The following PTPRT variants were observed in gnomAD, a reference collection of about 807,000 sequenced individuals.
The protein encoded by PTPRT is protein tyrosine phosphatase receptor type T.
A neutral mutation model predicts 176.8 loss-of-function variants in PTPRT; 56 were observed. The observed-to-expected ratio is 0.32, with a 90% CI of 0.26 to 0.40. The LOEUF is 0.40. Among genes scored for constraint, PTPRT ranks in the 10% least tolerant of loss-of-function variants. PTPRT has a pLI of 1.00. For synonymous variants in PTPRT, 783 were observed against 739.0 expected (o/e 1.06, Z -0.96); for missense variants, 1,540 against 1,908.2 (o/e 0.81, Z 3.60).
At chr20:42,957,220 T>C (rs1377985779) in intron 1 of PTPRT, among the ~76,000 whole-genome samples, 1 of 151,938 alleles carries the variant, frequency 6.6e-6, no homozygotes, top group African/African-American at 2.4e-5. Flanking sequence ...AACAGAACAA[T>C]GAATCATGCC....
chr20:42,148,161 A>C (rs985625627), intron 17 of PTPRT, among the ~76,000 whole-genome samples: 39 of 150,630 alleles, frequency 2.6e-4, no homozygotes, highest in African/African-American at 9.0e-4. Flanking sequence ...TCCTTTTCTC[A>C]TTCTCTTCTC....
chr20:43,074,253 C>T (rs1283643444), intron 1 of PTPRT, among the ~76,000 whole-genome samples: 1 of 152,190 alleles, frequency 6.6e-6, no homozygotes, highest in East Asian at 1.9e-4. Flanking sequence ...CCGACACACA[C>T]TTATTACTTG....
intron 2 of PTPRT, among the ~76,000 whole-genome samples, chr20:42,829,337 T>C (rs1206558346): frequency 2.6e-5 from 4 of 152,190 alleles, no homozygotes; most frequent in Non-Finnish European, 1.5e-5. Context: ...TTTTACAGGC[T>C]CATAGGTGGA....
chr20:42,641,120 T>G (rs2074737634), intron 7 of PTPRT, among the ~76,000 whole-genome samples: 1 of 152,212 alleles, frequency 6.6e-6, no homozygotes, highest in Non-Finnish European at 1.5e-5. Flanking sequence ...TTTGCTACCA[T>G]AAATTGCCCT....
intron 6 of PTPRT, among the ~76,000 whole-genome samples, chr20:42,680,764 G>T (rs1327665180): frequency 6.6e-6 from 1 of 152,202 alleles, no homozygotes; most frequent in African/African-American, 2.4e-5. Flanking sequence ...CCACCAGAAA[G>T]AAAATAAAGT....
chr20:42,708,774 A>G (rs1600644080), intron 6 of PTPRT, among the ~76,000 whole-genome samples: 2 of 152,110 alleles, frequency 1.3e-5, no homozygotes, highest in South Asian at 2.1e-4. Flanking sequence ...CTCTTTTTCC[A>G]TATATTTGCT....
intron 1 of PTPRT, among the ~76,000 whole-genome samples, chr20:43,093,229 A>C (rs2011960912): frequency 6.6e-6 from 1 of 152,226 alleles, no homozygotes; most frequent in African/African-American, 2.4e-5. Flanking sequence ...TATGAACTCT[A>C]AACTTCAGTA....
rs373648262 is a variant in PTPRT at position 42,927,082 on chromosome 20, G to C, written c.89-41150C>G. 1.6e-3 allele frequency among the ~76,000 whole-genome samples: 250 copies of C among 152,284 alleles called. 2 individuals are homozygous for C. Among genetic ancestry groups the C allele is most frequent in the Non-Finnish European group, 2.3e-3 (158 of 68,030 alleles). ...TAAGGTTGCTCTTGATGTGACTTTC[G>C]ATGTCCACCAAGGAAAACCTGAGGG... On this transcript the variant is annotated intron_variant, in intron 1 of 30. Transcript: ENST00000373187.
intron 7 of PTPRT, among the ~76,000 whole-genome samples, chr20:42,638,890 A>G (rs2145923024): frequency 6.6e-6 from 1 of 152,264 alleles, no homozygotes; most frequent in Non-Finnish European, 1.5e-5. Flanking sequence ...CCATGAATTA[A>G]TGGAGAATTA....
At chr20:42,392,226 A>G (rs1170305456) in intron 9 of PTPRT, among the ~76,000 whole-genome samples, 1 of 152,082 alleles carries the variant, frequency 6.6e-6, no homozygotes, top group Non-Finnish European at 1.5e-5. Flanking sequence ...TTCCTGCCCT[A>G]CCTTTTCTCA....
chr20:42,793,949 C>T lies in PTPRT; in HGVS notation c.215-2483G>A, dbSNP rs76783728. On this transcript the variant is annotated intron_variant, in intron 2 of 30. Coordinates refer to ENST00000373187, the MANE Select transcript of PTPRT (RefSeq NM_007050.6). Reference sequence around the variant, plus strand: ...TCTCCTCTCTGAATCCCATGATACCCGCATGCACATTTCAGCTCCTGTCCT... The same window carrying T: ...TCTCCTCTCTGAATCCCATGATACCTGCATGCACATTTCAGCTCCTGTCCT... Among the ~76,000 whole-genome samples, 1,480 of 152,244 alleles carry T rather than the reference C, an allele frequency of 9.7e-3. 28 individuals are homozygous for T. Among genetic ancestry groups the T allele is most frequent in the African/African-American group, 0.032 (1,333 of 41,538 alleles).
intron 1 of PTPRT, among the ~76,000 whole-genome samples, chr20:43,153,902 G>T (rs1373179527): frequency 5.3e-5 from 8 of 152,172 alleles, no homozygotes; most frequent in Admixed American, 4.6e-4. Context: ...AATGAAGCCA[G>T]CCTCTCAGAA....
the PTPRT span, among the ~76,000 whole-genome samples, chr20:42,059,920 T>C: frequency 2.2e-4 from 33 of 152,206 alleles, no homozygotes; most frequent in African/African-American, 7.7e-4. Context: ...ACTTTGGTTT[T>C]CCCATACATA....
chr20:42,642,873 T>G (rs1458351916), intron 7 of PTPRT, among the ~76,000 whole-genome samples: 2 of 152,168 alleles, frequency 1.3e-5, no homozygotes, highest in African/African-American at 2.4e-5. Flanking sequence ...CCACTTTGAC[T>G]CTGGGCTTGG....
intron 7 of PTPRT, among the ~76,000 whole-genome samples, chr20:42,477,998 G>T (rs1235917909): frequency 6.6e-6 from 1 of 152,096 alleles, no homozygotes; most frequent in Non-Finnish European, 1.5e-5. Flanking sequence ...TCTGGTCCAG[G>T]CTCCACATTT....
intron 1 of PTPRT, among the ~76,000 whole-genome samples, chr20:42,925,410 G>T (rs902066547): frequency 2.6e-5 from 4 of 152,168 alleles, no homozygotes; most frequent in African/African-American, 9.6e-5. Context: ...CTAGAACATG[G>T]TTCCTCCTAG....
intron 19 of PTPRT, 92 bp downstream of exon 19, chr20:42,128,662 A>G (rs1987973913): frequency 8.5e-7 from 1 of 1,178,144 alleles, no homozygotes; most frequent in Non-Finnish European, 1.2e-6. Context: ...CTGCTCTGGA[A>G]GGGCCACCTT....
At chr20:43,120,785 T>G (rs922591700) in intron 1 of PTPRT, among the ~76,000 whole-genome samples, 2 of 152,336 alleles carry the variant, frequency 1.3e-5, no homozygotes, top group East Asian at 3.9e-4. Flanking sequence ...ATCAAGCTTT[T>G]TGGTTTTCCA....
At chr20:43,070,598 G>A (rs2011166867) in intron 1 of PTPRT, among the ~76,000 whole-genome samples, 1 of 152,126 alleles carries the variant, frequency 6.6e-6, no homozygotes, top group African/African-American at 2.4e-5. Context: ...ATGATAGACT[G>A]GATTAAGAAA....
Sources: allele counts gnomAD v4.1 joint callset (sites outside exome capture counted in the v4.1 genomes callset), GRCh38; gene constraint gnomAD v4.1.1; transcripts MANE v1.5; gene names NCBI Gene and HGNC (gene_info 2026-07-23, HGNC 2026-07-21).